EML4: variants seen among roughly 807,000 people sequenced by gnomAD.
EML4 encodes echinoderm microtubule-associated protein-like 4.
A neutral mutation model predicts 129.0 loss-of-function variants in EML4; 72 were observed. That is an observed-to-expected ratio of 0.56 (90% CI 0.46 to 0.68). EML4 has a LOEUF of 0.68. Ranked by LOEUF, EML4 falls within the 30% of genes least tolerant of loss-of-function variation. The pLI is 0.00. For missense variants in EML4, 1,363 were observed against 1,190.6 expected (o/e 1.14, Z -2.13); for synonymous variants, 532 against 405.0 (o/e 1.31, Z -3.77).
intron 1 of EML4, among the ~76,000 whole-genome samples, chr2:42,197,660 G>A (rs552064382): frequency 6.6e-6 from 1 of 152,144 alleles, no homozygotes; most frequent in South Asian, 2.1e-4. Context: ...TATATTGGTA[G>A]TGAATATTTT....
chr2:42,285,197 C>T (rs1667222427), intron 9 of EML4, among the ~76,000 whole-genome samples: 1 of 152,124 alleles, frequency 6.6e-6, no homozygotes, highest in African/African-American at 2.4e-5. Flanking sequence ...CAGGTGTGTG[C>T]CACCATGCCC....
At chr2:42,324,119 AC>A (rs1669666451) in intron 19 of EML4, among the ~76,000 whole-genome samples, 1 of 151,102 alleles carries the variant, frequency 6.6e-6, no homozygotes, top group Non-Finnish European at 1.5e-5. Context: ...ACACAGGGAA[AC>A]CCCGTCTGTA....
chr2:42,229,129 G>T (rs183681300), intron 1 of EML4, among the ~76,000 whole-genome samples: 1 of 152,084 alleles, frequency 6.6e-6, no homozygotes, highest in South Asian at 2.1e-4. Flanking sequence ...GGTGATCTAG[G>T]TGTGGGTTTA....
chr2:42,222,412 T>C (rs879274582), intron 1 of EML4, among the ~76,000 whole-genome samples: 2 of 152,176 alleles, frequency 1.3e-5, no homozygotes, highest in African/African-American at 4.8e-5. Context: ...TCATGACTCA[T>C]TAAAGTTATA....
At chr2:42,326,088 A>T in intron 20 of EML4, 66 bp from the exon 21 acceptor site, 1 of 1,586,648 alleles carries the variant, frequency 6.3e-7, no homozygotes. Context: ...GTTTGAATCA[A>T]GATGCACTTT....
At chr2:42,273,962 T>G (rs2104435247) in intron 6 of EML4, among the ~76,000 whole-genome samples, 1 of 152,318 alleles carries the variant, frequency 6.6e-6, no homozygotes, top group Admixed American at 6.5e-5. Context: ...TAACTGGAAC[T>G]TGAAGTCTTT....
intron 1 of EML4, chr2:42,169,898 A>G: frequency 2.5e-6 from 1 of 401,564 alleles, no homozygotes; most frequent in Non-Finnish European, 4.5e-6. Context: ...CCAAAGTGGG[A>G]ACCCCTTCCT....
intron 1 of EML4, among the ~76,000 whole-genome samples, chr2:42,190,451 T>C (rs1671520585): frequency 6.6e-6 from 1 of 152,150 alleles, no homozygotes; most frequent in Non-Finnish European, 1.5e-5. Flanking sequence ...AGAAAACCAA[T>C]GAATCACAGA....
intron 6 of EML4, among the ~76,000 whole-genome samples, chr2:42,266,380 T>C (rs1161480277): frequency 6.6e-6 from 1 of 152,238 alleles, no homozygotes; most frequent in Non-Finnish European, 1.5e-5. Flanking sequence ...AGGGTCTTGC[T>C]CTGTTGCCCC....
intron 2 of EML4, among the ~76,000 whole-genome samples, chr2:42,254,734 C>T (rs1676009553): frequency 1.3e-5 from 2 of 151,848 alleles, no homozygotes; most frequent in South Asian, 2.1e-4. Context: ...TTTGGCAGTT[C>T]CTCAATAAGT....
intron 3 of EML4, among the ~76,000 whole-genome samples, chr2:42,260,359 G>A (rs1665652867): frequency 6.6e-6 from 1 of 152,038 alleles, no homozygotes; most frequent in African/African-American, 2.4e-5. Context: ...GTAGAAACGG[G>A]GTTTCACCAT....
chr2:42,295,096 C>G (rs766703051), intron 11 of EML4, 29 bp from the exon 12 acceptor site: 1 of 1,588,204 alleles, frequency 6.3e-7, no homozygotes, highest in South Asian at 1.2e-5. Flanking sequence ...GATATACATT[C>G]ATCTAAAGCT....
intron 6 of EML4, chr2:42,265,085 C>T (rs1665980266): frequency 7.0e-6 from 6 of 854,138 alleles, no homozygotes; most frequent in South Asian, 1.7e-5. Flanking sequence ...TAGATGAATC[C>T]AGCTACATTT....
chr2:42,177,811 G>A (rs1262348598), intron 1 of EML4, among the ~76,000 whole-genome samples: 1 of 152,084 alleles, frequency 6.6e-6, no homozygotes, highest in Non-Finnish European at 1.5e-5. Flanking sequence ...TCGTGGTCAG[G>A]ACCAACATTA....
chr2:42,198,024 G>A (rs1184067691), intron 1 of EML4, among the ~76,000 whole-genome samples: 2 of 152,162 alleles, frequency 1.3e-5, no homozygotes, highest in Non-Finnish European at 1.5e-5. Flanking sequence ...CTTTCTGTGT[G>A]CCCCATTTGT....
chr2:42,211,048 C>A (rs1283264254), intron 1 of EML4, among the ~76,000 whole-genome samples: 1 of 152,196 alleles, frequency 6.6e-6, no homozygotes, highest in African/African-American at 2.4e-5. Flanking sequence ...ACACACTTCA[C>A]TGGAGCATCC....
At chr2:42,264,799 A>C in intron 6 of EML4, 68 bp downstream of exon 6, 2 of 1,420,506 alleles carry the variant, frequency 1.4e-6, no homozygotes, top group Middle Eastern at 1.8e-4. Flanking sequence ...AATTGAAAAG[A>C]ATATTTTCAT....
chr2:42,311,703 G>C (rs1354213522), intron 17 of EML4, among the ~76,000 whole-genome samples: 2 of 152,076 alleles, frequency 1.3e-5, no homozygotes, highest in Non-Finnish European at 2.9e-5. Context: ...TCTCTAAAAA[G>C]GCACTTGGCA....
At chr2:42,259,357 T>C (rs1367764996) in intron 3 of EML4, among the ~76,000 whole-genome samples, 1 of 152,282 alleles carries the variant, frequency 6.6e-6, no homozygotes, top group African/African-American at 2.4e-5. Context: ...TTTATAATAT[T>C]GTCAAGAGTG....
Sources: gnomAD v4.1 joint callset for allele counts (sites outside exome capture counted in the v4.1 genomes callset) on GRCh38, gnomAD v4.1.1 for gene constraint, MANE v1.5 for transcripts, NCBI Gene and HGNC (gene_info 2026-07-23, HGNC 2026-07-21) for gene names.